Variants in ZC4H2 observed in about 807,000 individuals in gnomAD.
The protein encoded by ZC4H2 is zinc finger C4H2 domain-containing protein.
For missense variants in ZC4H2, 137 were observed against 173.9 expected, an observed-to-expected ratio of 0.79 and a Z score of 1.19; for synonymous variants, 84 against 66.3, an observed-to-expected ratio of 1.27 and a Z score of -1.30.
At chrX:64,973,846 AT>A (rs377344835) in intron 1 of ZC4H2, among the ~76,000 whole-genome samples, 436 of 108,461 alleles carry the variant, frequency 4.0e-3, no homozygotes, top group African/African-American at 0.014. Flanking sequence ...TGTCATTCTA[AT>A]TTTTTTTTTC....
intron 1 of ZC4H2, among the ~76,000 whole-genome samples, chrX:64,950,009 A>T (rs1930721186): frequency 8.9e-6 from 1 of 111,832 alleles, no homozygotes; most frequent in South Asian, 3.7e-4. Context: ...CCCTCTACAC[A>T]CTGCTTTAAA....
chrX:65,012,224 C>CAAAAAAAAAAAAAAA (rs10606871), intron 1 of ZC4H2, among the ~76,000 whole-genome samples: 6 of 25,338 alleles, frequency 2.4e-4, no homozygotes, highest in East Asian at 1.3e-3. Context: ...GACCCCGTCT[C>CAAAAAAAAAAAAAAA]AAAAAAAAAA....
rs1024559411 is a variant in ZC4H2 at position 64,916,766 on chromosome X, C to G, written c.*1017G>C. On this transcript the variant is annotated 3_prime_UTR_variant, in exon 5 of 5. Coordinates refer to ENST00000374839, the MANE Select transcript of ZC4H2 (RefSeq NM_018684.4). ...CAATCCACAGGACAGGAGTGGCCAGCAGCTATCCTGAGCTGAGGCTCCAGA... is the reference window on the plus strand; with the variant it reads ...CAATCCACAGGACAGGAGTGGCCAGGAGCTATCCTGAGCTGAGGCTCCAGA... The G allele has an allele frequency of 2.7e-5, 3 of 111,632 alleles. No individual in the cohort carries two copies. The highest frequency in any genetic ancestry group is 6.5e-5 in the African/African-American group (2 of 30,646). 9.2% of individuals were successfully genotyped at this position (111,632 alleles called of 1,213,427 possible). A position where few individuals can be genotyped will look rare whatever the true frequency, so the allele number is the denominator to read the frequency against.
intron 1 of ZC4H2, among the ~76,000 whole-genome samples, chrX:65,021,594 C>T (rs891922655): frequency 9.1e-6 from 1 of 110,452 alleles, no homozygotes; most frequent in African/African-American, 3.4e-5. Flanking sequence ...AAATTGACAC[C>T]CTAGCATCGC....
chrX:64,943,563 T>A (rs911663666), intron 1 of ZC4H2, among the ~76,000 whole-genome samples: 2 of 105,578 alleles, frequency 1.9e-5, no homozygotes, highest in South Asian at 7.5e-4. Context: ...TCTTGTTGCA[T>A]TGATCCCTTT....
At chrX:64,967,531 A>G (rs1032475837) in intron 1 of ZC4H2, among the ~76,000 whole-genome samples, 6 of 112,247 alleles carry the variant, frequency 5.3e-5, no homozygotes, top group Admixed American at 1.9e-4. Context: ...GGAACAAATC[A>G]TAACTGTTAT....
At chrX:64,981,219 C>A (rs1932076011), upstream of ZC4H2, among the ~76,000 whole-genome samples, 1 of 111,237 alleles carries the variant, frequency 9.0e-6, no homozygotes, top group Admixed American at 9.6e-5. Context: ...GTCTTGTAAA[C>A]CATGGTGATG....
intron 1 of ZC4H2, among the ~76,000 whole-genome samples, chrX:65,014,371 C>A (rs1302243214): frequency 1.8e-5 from 2 of 111,341 alleles, no homozygotes; most frequent in Non-Finnish European, 3.8e-5. Flanking sequence ...TGACTTAAGG[C>A]TTTTATATAC....
intron 1 of ZC4H2, among the ~76,000 whole-genome samples, chrX:64,957,836 C>T (rs778287016): frequency 2.7e-5 from 3 of 109,217 alleles, no homozygotes; most frequent in East Asian, 2.9e-4. Flanking sequence ...CACTCCAGCC[C>T]GGGTGAGAGA....
At chrX:64,976,626 T>C (rs748192276), upstream of ZC4H2, 310 of 409,741 alleles carry the variant, frequency 7.6e-4, 1 homozygote, top group African/African-American at 7.2e-3. Context: ...GCACTTTAAA[T>C]CAATTTGTTA....
At chrX:65,018,809 G>A (rs5964896) in intron 1 of ZC4H2, among the ~76,000 whole-genome samples, 15,763 of 110,950 alleles carry the variant, frequency 0.14, 2,699 homozygotes, top group African/African-American at 0.49. Context: ...TGCCAGTACA[G>A]CAGTCTAAGG....
chrX:64,935,143 G>T (rs1476179351), intron 1 of ZC4H2, among the ~76,000 whole-genome samples: 2 of 111,448 alleles, frequency 1.8e-5, no homozygotes, highest in Non-Finnish European at 3.8e-5. Context: ...TTTGGTGGGA[G>T]GAGGGGCGTC....
chrX:64,977,745 C>T (rs1931991882), upstream of ZC4H2, among the ~76,000 whole-genome samples: 1 of 111,694 alleles, frequency 9.0e-6, no homozygotes, highest in African/African-American at 3.3e-5. Flanking sequence ...AAGCAATCCA[C>T]CCGCCTCAGC....
chrX:64,923,950 T>C (rs1413640641), intron 1 of ZC4H2, among the ~76,000 whole-genome samples: 1 of 111,866 alleles, frequency 8.9e-6, no homozygotes, highest in Non-Finnish European at 1.9e-5. Flanking sequence ...TCATCAACTG[T>C]CTTGCAGAGG....
chrX:64,932,158 C>A (rs1363806113), intron 1 of ZC4H2, among the ~76,000 whole-genome samples: 3 of 109,798 alleles, frequency 2.7e-5, no homozygotes, highest in Non-Finnish European at 5.7e-5. Flanking sequence ...TCTGTTTTGT[C>A]TGATATAAGA....
intron 1 of ZC4H2, among the ~76,000 whole-genome samples, chrX:64,932,207 G>A (rs1929787754): frequency 9.0e-6 from 1 of 110,674 alleles, no homozygotes; most frequent in Non-Finnish European, 1.9e-5. Context: ...CATTTGTGTG[G>A]AATATTTTTT....
chrX:64,950,508 C>T (rs1930750338), intron 1 of ZC4H2, among the ~76,000 whole-genome samples: 1 of 111,269 alleles, frequency 9.0e-6, no homozygotes, highest in African/African-American at 3.3e-5. Context: ...TCTCTAAGGA[C>T]TTGCTTTATG....
At chrX:65,009,329 C>A (rs1384990938) in intron 1 of ZC4H2, among the ~76,000 whole-genome samples, 1 of 110,536 alleles carries the variant, frequency 9.0e-6, no homozygotes, top group African/African-American at 3.3e-5. Context: ...AAATTAACTA[C>A]ACCTTACTGT....
chrX:64,979,102 A>G (rs1236389641), upstream of ZC4H2, among the ~76,000 whole-genome samples: 1 of 112,004 alleles, frequency 8.9e-6, no homozygotes, highest in Non-Finnish European at 1.9e-5. Flanking sequence ...ATCCTAGTTT[A>G]CAGATGAGGA....
Sources: allele counts gnomAD v4.1 joint callset (sites outside exome capture counted in the v4.1 genomes callset), GRCh38; gene constraint gnomAD v4.1.1; transcripts MANE v1.5; gene names NCBI Gene and HGNC (gene_info 2026-07-23, HGNC 2026-07-21).